Variants in YAP1 observed in about 807,000 individuals in gnomAD.
The protein encoded by YAP1 is transcriptional coactivator YAP1.
Under a neutral mutation model 56.9 loss-of-function variants are expected in YAP1, and 5 were observed. The observed-to-expected ratio is 0.09, with a 90% CI of 0.05 to 0.18. The LOEUF (loss-of-function observed/expected upper bound fraction) is 0.18, where lower values mean the gene tolerates loss of function less well. Ranked by LOEUF, YAP1 falls within the 10% of genes least tolerant of loss-of-function variation. The pLI is 1.00. For missense variants in YAP1, 539 were observed against 651.8 expected (o/e 0.83, Z 1.88); for synonymous variants, 265 against 248.1 (o/e 1.07, Z -0.64).
intron 3 of YAP1, among the ~76,000 whole-genome samples, chr11:102,181,447 A>T (rs1565238065): frequency 6.6e-6 from 1 of 152,018 alleles, no homozygotes. Flanking sequence ...CTCCGTCTCA[A>T]AAATAAATAA....
At chr11:102,126,585 G>C (rs1356262878) in intron 2 of YAP1, among the ~76,000 whole-genome samples, 3 of 152,198 alleles carry the variant, frequency 2.0e-5, no homozygotes, top group East Asian at 1.9e-4. Context: ...ATGTGGAGTT[G>C]TAAGTCCAAT....
At chr11:102,173,628 T>C (rs2135449021) in intron 3 of YAP1, among the ~76,000 whole-genome samples, 1 of 152,332 alleles carries the variant, frequency 6.6e-6, no homozygotes, top group South Asian at 2.1e-4. Context: ...TGTTCATCTC[T>C]GTTTTATAGA....
intron 2 of YAP1, among the ~76,000 whole-genome samples, chr11:102,146,557 C>G (rs1945332439): frequency 1.3e-5 from 2 of 152,310 alleles, no homozygotes; most frequent in Middle Eastern, 3.4e-3. Flanking sequence ...TCAAATGTGT[C>G]ACCATCTTTT....
chr11:102,187,065 G>A (rs1049987459), intron 4 of YAP1, among the ~76,000 whole-genome samples: 29 of 152,210 alleles, frequency 1.9e-4, no homozygotes, highest in African/African-American at 6.5e-4. Flanking sequence ...CAACTGCGGG[G>A]CCCTCACGGG....
chr11:102,141,160 G>T (rs1417686458), intron 2 of YAP1, among the ~76,000 whole-genome samples: 3 of 152,174 alleles, frequency 2.0e-5, no homozygotes, highest in South Asian at 2.1e-4. Context: ...TCCAAAGTCT[G>T]CCTTGGGAGT....
At chr11:102,179,801 C>T (rs778436982) in intron 3 of YAP1, among the ~76,000 whole-genome samples, 2 of 151,972 alleles carry the variant, frequency 1.3e-5, no homozygotes, top group Non-Finnish European at 2.9e-5. Context: ...TTGTTTATTG[C>T]TCCATCTCCA....
At chr11:102,151,829 A>T (rs1945674104) in intron 2 of YAP1, among the ~76,000 whole-genome samples, 1 of 152,070 alleles carries the variant, frequency 6.6e-6, no homozygotes, top group South Asian at 2.1e-4. Flanking sequence ...TGCCTCTACG[A>T]CCCATTAGTG....
chr11:102,136,893 AAAAC>A (rs1293218514), intron 2 of YAP1, among the ~76,000 whole-genome samples: 1 of 152,182 alleles, frequency 6.6e-6, no homozygotes, highest in African/African-American at 2.4e-5. Context: ...CTTAATTACT[AAAAC>A]ATTAGAATAT....
At chr11:102,202,737 A>C (rs1948937458) in intron 4 of YAP1, among the ~76,000 whole-genome samples, 1 of 152,196 alleles carries the variant, frequency 6.6e-6, no homozygotes, top group Admixed American at 6.5e-5. Flanking sequence ...TAAAAAAATC[A>C]GTGGTTGCTA....
At chr11:102,122,433 AAAAG>A (rs1185856184) in intron 2 of YAP1, among the ~76,000 whole-genome samples, 3 of 152,130 alleles carry the variant, frequency 2.0e-5, no homozygotes, top group Non-Finnish European at 4.4e-5. Flanking sequence ...TCAAAAAAAA[AAAAG>A]AAGGAAAGAA....
chr11:102,209,550 T>C lies in YAP1; in HGVS notation c.1018T>C (p.Ser340Pro). The stretch of plus-strand genomic sequence containing the variant: ...GAATATCAATCCCAGCACAGCAAAT[T>C]CTCCAAAATGTCAGGTAGGCTCTTA... The part of the protein sequence containing the change: ...MRNINPSTAN[S>P]PKCQELALRS... The change falls in exon 6 of 9, where the codon TCT (serine) becomes CCT (proline). Residue 340 changes from serine (S) to proline (P), a missense_variant. By Grantham distance (74) the Ser-to-Pro change is moderately conservative (BLOSUM62 -1). Around this residue, in one of 4 missense-constraint regions of YAP1, gnomAD observed 414 missense variants for 512.4 expected, o/e 0.81. Coordinates refer to ENST00000282441, the MANE Select transcript of YAP1 (RefSeq NM_001130145.3). 6.3e-7 allele frequency: 1 copy of C among 1,598,384 alleles called. No homozygotes were observed. Among genetic ancestry groups the C allele is most frequent in the Non-Finnish European group, 8.5e-7 (1 of 1,175,534 alleles).
At chr11:102,208,537 T>C (rs1949234995) in intron 5 of YAP1, among the ~76,000 whole-genome samples, 1 of 152,162 alleles carries the variant, frequency 6.6e-6, no homozygotes, top group Admixed American at 6.5e-5. Context: ...TACCTCTGAC[T>C]TTCTAACAAA....
At chr11:102,218,202 A>G (rs1199906471) in intron 6 of YAP1, among the ~76,000 whole-genome samples, 1 of 152,236 alleles carries the variant, frequency 6.6e-6, no homozygotes, top group Non-Finnish European at 1.5e-5. Flanking sequence ...GCTATCCATA[A>G]TCTGCATATA....
intron 4 of YAP1, among the ~76,000 whole-genome samples, chr11:102,205,274 T>C (rs898109615): frequency 6.6e-6 from 1 of 152,196 alleles, no homozygotes; most frequent in Non-Finnish European, 1.5e-5. Flanking sequence ...ATCAGATCAT[T>C]TTAATCTACT....
chr11:102,167,391 T>C (rs1296686629), intron 3 of YAP1, among the ~76,000 whole-genome samples: 1 of 152,210 alleles, frequency 6.6e-6, no homozygotes, highest in Non-Finnish European at 1.5e-5. Flanking sequence ...TAAATATATG[T>C]ATAAATAAGT....
intron 2 of YAP1, among the ~76,000 whole-genome samples, chr11:102,153,924 A>C (rs1305585310): frequency 6.6e-6 from 1 of 152,154 alleles, no homozygotes; most frequent in Non-Finnish European, 1.5e-5. Flanking sequence ...TGTAACACTA[A>C]AGATCCAGCC....
At chr11:102,167,135 A>G (rs990968513) in intron 3 of YAP1, among the ~76,000 whole-genome samples, 1 of 152,324 alleles carries the variant, frequency 6.6e-6, no homozygotes, top group East Asian at 1.9e-4. Flanking sequence ...CCAAATATCT[A>G]TAACTGAGAA....
At chr11:102,212,385 G>T (rs1949444959) in intron 6 of YAP1, among the ~76,000 whole-genome samples, 1 of 152,070 alleles carries the variant, frequency 6.6e-6, no homozygotes, top group Admixed American at 6.6e-5. Context: ...ACGTCAGTAT[G>T]GGTGAGGTTA....
chr11:102,202,163 T>A (rs1199849350), intron 4 of YAP1, among the ~76,000 whole-genome samples: 1 of 151,634 alleles, frequency 6.6e-6, no homozygotes, highest in Non-Finnish European at 1.5e-5. Context: ...AGAATTATTA[T>A]TATTTTTTTT....
Sources: gnomAD v4.1 joint callset for allele counts (sites outside exome capture counted in the v4.1 genomes callset) on GRCh38, gnomAD v4.1.1 for gene constraint, gnomAD v4.1.1 regional missense constraint, MANE v1.5 for transcripts, NCBI Gene and HGNC (gene_info 2026-07-23, HGNC 2026-07-21) for gene names.